The following DNAJC7 variants were observed in gnomAD, a reference collection of about 807,000 sequenced individuals.
DNAJC7 encodes dnaJ homolog subfamily C member 7.
DNAJC7 carries 18 observed loss-of-function variants against 67.4 expected under a neutral mutation model. That is an observed-to-expected ratio of 0.27 (90% CI 0.18 to 0.40). DNAJC7 has a LOEUF of 0.40. Among genes scored for constraint, DNAJC7 ranks in the 10% least tolerant of loss-of-function variants. The pLI is 1.00. For missense variants in DNAJC7, 419 were observed against 613.8 expected (o/e 0.68, Z 3.35); for synonymous variants, 220 against 207.8 (o/e 1.06, Z -0.50).
chr17:42,012,232 C>A (rs2052138537), intron 1 of DNAJC7, among the ~76,000 whole-genome samples: 1 of 152,224 alleles, frequency 6.6e-6, no homozygotes, highest in Admixed American at 6.5e-5. Context: ...CGCCTGTAAT[C>A]CCAGCACTTT....
intron 11 of DNAJC7, 86 bp from the exon 12 acceptor site, chr17:41,982,093 T>G: frequency 4.5e-6 from 7 of 1,570,740 alleles, no homozygotes; most frequent in Non-Finnish European, 6.0e-6. Flanking sequence ...TTCTGTCTAA[T>G]TTTGGAATTT....
intron 2 of DNAJC7, among the ~76,000 whole-genome samples, chr17:41,998,195 C>T (rs190123784): frequency 4.3e-4 from 65 of 152,206 alleles, no homozygotes; most frequent in Admixed American, 1.0e-3. Flanking sequence ...CCACAGCCAG[C>T]ACAGTGGCTC....
At chr17:42,004,925 T>C (rs2143299108) in intron 1 of DNAJC7, among the ~76,000 whole-genome samples, 1 of 152,260 alleles carries the variant, frequency 6.6e-6, no homozygotes, top group East Asian at 1.9e-4. Flanking sequence ...CTTGGGAGGC[T>C]AAGATGGGAG....
At chr17:41,999,820 AT>A (rs1245544741) in intron 2 of DNAJC7, among the ~76,000 whole-genome samples, 2 of 150,634 alleles carry the variant, frequency 1.3e-5, no homozygotes, top group African/African-American at 2.4e-5. Flanking sequence ...AGCCTGGCCT[AT>A]TTTTTTTATC....
intron 1 of DNAJC7, among the ~76,000 whole-genome samples, chr17:42,009,548 A>T (rs2052062769): frequency 6.6e-6 from 1 of 152,226 alleles, no homozygotes; most frequent in Admixed American, 6.5e-5. Flanking sequence ...CTCAACGGTG[A>T]GTTGGAAATT....
chr17:41,993,975 G>C (rs751834879), intron 5 of DNAJC7, among the ~76,000 whole-genome samples: 2 of 148,914 alleles, frequency 1.3e-5, no homozygotes, highest in Non-Finnish European at 3.0e-5. Context: ...CCTGGGAGGC[G>C]GAGGTTGCAG....
At chr17:42,004,050 G>A (rs1350738194) in intron 1 of DNAJC7, among the ~76,000 whole-genome samples, 1 of 145,390 alleles carries the variant, frequency 6.9e-6, no homozygotes, top group East Asian at 2.1e-4. Context: ...CTGCCTCCTG[G>A]GTTCAAGTGT....
intron 12 of DNAJC7, among the ~76,000 whole-genome samples, chr17:41,980,574 A>G (rs1334096416): frequency 6.6e-6 from 1 of 151,974 alleles, no homozygotes; most frequent in African/African-American, 2.4e-5. Flanking sequence ...TTTAGTAGAG[A>G]GTACAATTTT....
At chr17:42,013,428 T>C (rs1416587966) in intron 1 of DNAJC7, 2 of 152,216 alleles carry the variant, frequency 1.3e-5, no homozygotes, top group Non-Finnish European at 2.9e-5. Context: ...TATGGGACTG[T>C]GACAACTTAG....
intron 5 of DNAJC7, among the ~76,000 whole-genome samples, chr17:41,991,395 C>G (rs1385747369): frequency 6.6e-6 from 1 of 152,046 alleles, no homozygotes; most frequent in Non-Finnish European, 1.5e-5. Flanking sequence ...CTATATAGTT[C>G]TAAAATAGAA....
intron 4 of DNAJC7, among the ~76,000 whole-genome samples, chr17:41,995,381 C>G (rs1250626179): frequency 4.6e-5 from 7 of 152,114 alleles, no homozygotes; most frequent in African/African-American, 1.7e-4. Context: ...CAATGCATTG[C>G]CAGGGATTGA....
intron 12 of DNAJC7, among the ~76,000 whole-genome samples, chr17:41,981,103 T>C (rs922369645): frequency 6.6e-6 from 1 of 152,200 alleles, no homozygotes. Flanking sequence ...TAGCGCCATC[T>C]TGGCTCACTG....
At chr17:42,006,142 C>G (rs1555650210) in intron 1 of DNAJC7, among the ~76,000 whole-genome samples, 1 of 150,682 alleles carries the variant, frequency 6.6e-6, no homozygotes, top group Admixed American at 6.6e-5. Context: ...GACGGGATAT[C>G]ATCGTGTTAG....
chr17:42,002,367 G>A (rs2051830525), intron 1 of DNAJC7, among the ~76,000 whole-genome samples: 1 of 152,214 alleles, frequency 6.6e-6, no homozygotes, highest in African/African-American at 2.4e-5. Flanking sequence ...CACTGTGTCA[G>A]CAGTATAAAG....
rs577884892 is a variant in DNAJC7, at chr17:42,009,455, G to A, written c.77+7885C>T. ...CAGCTGGCTATGCCTTATTCAGTAA[G>A]GAAGAAAAAGCAAGCAACCAATTCA... On this transcript the variant is annotated intron_variant, in intron 1 of 13. Transcript: ENST00000457167. Among the ~76,000 whole-genome samples the A allele has an allele frequency of 1.3e-4, 20 of 152,298 alleles. No homozygotes were observed. The South Asian group carries it at 3.7e-3, about 28-fold the overall frequency.
chr17:41,991,982 C>T (rs911695352), intron 5 of DNAJC7, among the ~76,000 whole-genome samples: 7 of 151,948 alleles, frequency 4.6e-5, no homozygotes, highest in African/African-American at 1.7e-4. Context: ...CATCTGGCAA[C>T]ACTTTCTAGT....
rs1292481803 is a variant in DNAJC7 at position 42,017,425 on chromosome 17, C to G, written c.-9G>C. ...TCCGCGGCAGCCGCCATCTTACCGC[C>G]GGGACCAGAGAGCTGGGTGGGAGGC... is the stretch of plus-strand genomic sequence containing the variant. On this transcript the variant is annotated 5_prime_UTR_variant, in exon 1 of 14. Transcript: ENST00000457167. 13 of 1,605,770 alleles carry G rather than the reference C, an allele frequency of 8.1e-6. No homozygotes were observed. The Admixed American group carries it at 2.2e-4, about 27-fold the overall frequency.
At chr17:42,006,253 A>G (rs2051950737) in intron 1 of DNAJC7, among the ~76,000 whole-genome samples, 1 of 151,398 alleles carries the variant, frequency 6.6e-6, no homozygotes, top group Non-Finnish European at 1.5e-5. Context: ...TCCTGGGTTC[A>G]AGCAATTCTC....
chr17:41,986,152 C>T (rs1452322843), intron 9 of DNAJC7: 2 of 146,322 alleles, frequency 1.4e-5, no homozygotes, highest in Admixed American at 1.4e-4. Context: ...GATCACTTGT[C>T]ATCAGGAGTT....
Sources: allele counts gnomAD v4.1 joint callset (sites outside exome capture counted in the v4.1 genomes callset), GRCh38; gene constraint gnomAD v4.1.1; transcripts MANE v1.5; gene names NCBI Gene and HGNC (gene_info 2026-07-23, HGNC 2026-07-21).